Variants in LRRFIP1 observed in about 807,000 individuals in gnomAD.
LRRFIP1 encodes the protein leucine-rich repeat flightless-interacting protein 1.
A neutral mutation model predicts 104.4 loss-of-function variants in LRRFIP1; 62 were observed. The observed-to-expected ratio is 0.59, with a 90% CI of 0.48 to 0.73. LRRFIP1 has a LOEUF of 0.73. LRRFIP1 is among the 30% of genes least tolerant of loss of function. LRRFIP1 has a pLI of 0.00. For missense variants in LRRFIP1, 796 were observed against 824.5 expected (o/e 0.97, Z 0.42); for synonymous variants, 300 against 299.0 (o/e 1.00, Z -0.03).
chr2:237,762,671 A>C, intron 19 of LRRFIP1: 2 of 1,614,008 alleles, frequency 1.2e-6, no homozygotes, highest in Non-Finnish European at 1.7e-6. Context: ...AATCTTGCAC[A>C]ATACTGAGAA....
chr2:237,770,172 C>T, intron 20 of LRRFIP1, 180 bp downstream of exon 20: 1 of 592,792 alleles, frequency 1.7e-6, no homozygotes, highest in South Asian at 2.1e-5. Flanking sequence ...ATATTTTCAT[C>T]CAAAGAGAAC....
intron 8 of LRRFIP1, among the ~76,000 whole-genome samples, chr2:237,732,440 T>C (rs1311913045): frequency 6.6e-6 from 1 of 152,226 alleles, no homozygotes; most frequent in African/African-American, 2.4e-5. Flanking sequence ...ACTTTGTCGC[T>C]CCTTCCCTTT....
intron 1 of LRRFIP1, 43 bp downstream of exon 1, chr2:237,627,783 C>CG: frequency 2.6e-6 from 3 of 1,156,934 alleles, no homozygotes; most frequent in South Asian, 3.0e-5. Context: ...CGGGCGGGCG[C>CG]GGGGGCCGGA....
At chr2:237,681,573 G>A (rs1034400124) in intron 1 of LRRFIP1, among the ~76,000 whole-genome samples, 1 of 151,672 alleles carries the variant, frequency 6.6e-6, no homozygotes, top group Non-Finnish European at 1.5e-5. Flanking sequence ...CACCACATTG[G>A]CCAGGCTGAT....
intron 23 of LRRFIP1, among the ~76,000 whole-genome samples, chr2:237,775,291 T>G (rs1417876196): frequency 6.6e-6 from 1 of 152,214 alleles, no homozygotes; most frequent in Non-Finnish European, 1.5e-5. Context: ...GGAGAAAGCC[T>G]TCCGCGCAAA....
Position 237,704,134 on chromosome 2 carries a change from G to A in LRRFIP1, c.97-4410G>A, listed in dbSNP as rs537009273. Among the ~76,000 whole-genome samples the A allele has an allele frequency of 2.9e-4, 43 of 147,934 alleles. No individual in the cohort carries two copies. In the South Asian group the frequency reaches 8.2e-3, roughly 28 times the overall value. ...AGTGTCTCTGGGGAAGAATTTTGTCGAAACTCTGCAGATGTTCTTTTTTTT... is the reference window on the plus strand; with the variant it reads ...AGTGTCTCTGGGGAAGAATTTTGTCAAAACTCTGCAGATGTTCTTTTTTTT... On this transcript the variant is annotated intron_variant, in intron 1 of 23. Transcript: ENST00000308482.
chr2:237,749,594 G>T (rs1385892169), intron 13 of LRRFIP1, among the ~76,000 whole-genome samples: 3 of 152,138 alleles, frequency 2.0e-5, no homozygotes, highest in African/African-American at 7.2e-5. Flanking sequence ...GAATACCTTA[G>T]TGAGAGCACT....
rs2150956137 is a variant in LRRFIP1 at position 237,780,833 on chromosome 2, A to G, written c.*1301A>G. Among the ~76,000 whole-genome samples the G allele has an allele frequency of 6.6e-6, 1 of 152,348 alleles. No individual in the cohort carries two copies. On this transcript the variant is annotated 3_prime_UTR_variant, in exon 24 of 24. Transcript: ENST00000308482. ...ACAGCTGCGTTGCATTAAGAAAGAG[A>G]TGAAATCTCTATTAAAATACACAAG... is the stretch of plus-strand genomic sequence containing the variant.
At chr2:237,700,890 A>G (rs2093483007) in intron 1 of LRRFIP1, among the ~76,000 whole-genome samples, 1 of 152,188 alleles carries the variant, frequency 6.6e-6, no homozygotes, top group Non-Finnish European at 1.5e-5. Flanking sequence ...GAGTGACGTC[A>G]GAGTATTTCT....
chr2:237,684,705 CTG>C (rs2092190462), intron 1 of LRRFIP1, among the ~76,000 whole-genome samples: 1 of 151,922 alleles, frequency 6.6e-6, no homozygotes, highest in Non-Finnish European at 1.5e-5. Context: ...GAGTTTGTGC[CTG>C]TAAGACTGAG....
chr2:237,670,250 G>A (rs534937226), intron 1 of LRRFIP1, among the ~76,000 whole-genome samples: 8 of 152,356 alleles, frequency 5.3e-5, no homozygotes, highest in African/African-American at 1.4e-4. Context: ...TCAGTGCCCC[G>A]ACACCTCGGT....
rs917065932 is a variant in LRRFIP1, at chr2:237,711,771, G to C, written c.184-2488G>C. ...GGCCAAGATGGTGAGTGAGGACACC[G>C]AGTGAAGCAGCTCTACCGGGGGGTG... On this transcript the variant is annotated intron_variant, in intron 2 of 23. Transcript: ENST00000308482. The surrounding 1 kb of genome is among the most constrained non-coding windows in gnomAD (Gnocchi z 4.4). 1.3e-5 allele frequency among the ~76,000 whole-genome samples: 2 copies of C among 151,980 alleles called. No individual in the cohort carries two copies. Among genetic ancestry groups the C allele is most frequent in the Admixed American group, 1.3e-4 (2 of 15,274 alleles).
chr2:237,715,169 G>A (rs1452046588), intron 3 of LRRFIP1, among the ~76,000 whole-genome samples: 1 of 152,156 alleles, frequency 6.6e-6, no homozygotes, highest in Non-Finnish European at 1.5e-5. Flanking sequence ...CCATGATGAC[G>A]AATCGCCTTC....
chr2:237,751,997 A>G (rs778516914), intron 14 of LRRFIP1, among the ~76,000 whole-genome samples: 6 of 152,190 alleles, frequency 3.9e-5, no homozygotes, highest in Non-Finnish European at 8.8e-5. Flanking sequence ...TGAATTTAAT[A>G]TCAAAGGGCA....
At chr2:237,674,097 A>G (rs1292674051) in intron 1 of LRRFIP1, among the ~76,000 whole-genome samples, 1 of 152,218 alleles carries the variant, frequency 6.6e-6, no homozygotes, top group African/African-American at 2.4e-5. Flanking sequence ...GAAGGGACTC[A>G]GGGGGCAGCA....
At chr2:237,628,023 C>A (rs1236873384) in intron 1 of LRRFIP1, among the ~76,000 whole-genome samples, 1 of 151,520 alleles carries the variant, frequency 6.6e-6, no homozygotes, top group Non-Finnish European at 1.5e-5. Context: ...TCGGCCGCTG[C>A]GCCCTCGGGA....
chr2:237,665,623 GTTA>G (rs1166514679), intron 1 of LRRFIP1, among the ~76,000 whole-genome samples: 1 of 152,208 alleles, frequency 6.6e-6, no homozygotes, highest in Non-Finnish European at 1.5e-5. Context: ...TTTATAAAAT[GTTA>G]TTAATATGAA....
chr2:237,669,703 T>C (rs1575324876), intron 1 of LRRFIP1, among the ~76,000 whole-genome samples: 1 of 151,738 alleles, frequency 6.6e-6, no homozygotes. Flanking sequence ...AAAGCTGGAG[T>C]TCAGCAGAAC....
At chr2:237,732,058 A>G (rs1477444474) in intron 8 of LRRFIP1, among the ~76,000 whole-genome samples, 4 of 152,218 alleles carry the variant, frequency 2.6e-5, no homozygotes, top group Non-Finnish European at 5.9e-5. Context: ...ATTTATTTCA[A>G]TATTTAATAT....
Sources: allele counts gnomAD v4.1 joint callset (sites outside exome capture counted in the v4.1 genomes callset), GRCh38; gene constraint gnomAD v4.1.1; non-coding constraint Gnocchi (gnomAD v3.1); transcripts MANE v1.5; gene names NCBI Gene and HGNC (gene_info 2026-07-23, HGNC 2026-07-21).